Variants in CYP46A1 observed in about 807,000 individuals in gnomAD.
CYP46A1 encodes cytochrome P450 family 46 subfamily A member 1, also known as cholesterol 24-hydroxylase.
A neutral mutation model predicts 63.3 loss-of-function variants in CYP46A1; 20 were observed. That is an observed-to-expected ratio of 0.32 (90% CI 0.22 to 0.46). The LOEUF (loss-of-function observed/expected upper bound fraction) is 0.46, where lower values mean the gene tolerates loss of function less well. CYP46A1 is among the 20% of genes least tolerant of loss of function. The pLI, the probability that CYP46A1 is intolerant of heterozygous loss-of-function variation, is 1.00. For missense variants in CYP46A1, 445 were observed against 670.8 expected (o/e 0.66, Z 3.72); for synonymous variants, 268 against 273.6 (o/e 0.98, Z 0.20).
intron 9 of CYP46A1, among the ~76,000 whole-genome samples, chr14:99,716,489 G>A (rs1295396342): frequency 6.6e-6 from 1 of 152,208 alleles, no homozygotes; most frequent in African/African-American, 2.4e-5. Context: ...TTGTGGGGAG[G>A]CCTGCATTAG....
chr14:99,691,229 C>T, intron 2 of CYP46A1, 68 bp downstream of exon 2: 1 of 1,483,596 alleles, frequency 6.7e-7, no homozygotes, highest in Non-Finnish European at 9.4e-7. Flanking sequence ...CCAACCCAAT[C>T]CAGCACACAG....
chr14:99,719,167 A>G (rs1595204813), intron 10 of CYP46A1, among the ~76,000 whole-genome samples: 1 of 152,258 alleles, frequency 6.6e-6, no homozygotes, highest in East Asian at 1.9e-4. Context: ...TTAAGCCCAC[A>G]GTTTAGTGGC....
At chr14:99,703,033 G>A (rs2056645447) in intron 5 of CYP46A1, among the ~76,000 whole-genome samples, 1 of 152,134 alleles carries the variant, frequency 6.6e-6, no homozygotes, top group South Asian at 2.1e-4. Context: ...AAGATGACAG[G>A]ACAGTTTTGT....
chr14:99,701,835 C>T (rs959908958), intron 5 of CYP46A1, among the ~76,000 whole-genome samples: 2 of 152,110 alleles, frequency 1.3e-5, no homozygotes, highest in Non-Finnish European at 2.9e-5. Context: ...TTTGGGGGGC[C>T]AAGGCAGGCG....
Position 99,707,636 on chromosome 14 carries a change from T to C in CYP46A1, c.651T>C (p.Leu217=). 6.2e-7 allele frequency: 1 copy of C among 1,614,048 alleles called. No individual in the cohort carries two copies. Among genetic ancestry groups the C allele is most frequent in the Non-Finnish European group, 8.5e-7 (1 of 1,179,978 alleles). Residue 217 remains leucine (L), a synonymous_variant, in exon 7 of 15, where the codon CTT becomes CTC. Transcript: ENST00000261835. ...AGCCTCTGTCCCAGGCAGTGAAACTTATGTTGGAGGGAATCACTGCGTCCC... is the reference window on the plus strand; with the variant it reads ...AGCCTCTGTCCCAGGCAGTGAAACTCATGTTGGAGGGAATCACTGCGTCCC... ...AQKPLSQAVK[L]MLEGITASRN... is the part of the protein sequence containing the mutation.
rs370329763 is a variant in CYP46A1 at position 99,699,542 on chromosome 14, A to G, written c.356+3A>G. On this transcript the variant is annotated splice_donor_region_variant and intron_variant, in intron 4 of 14. Coordinates refer to ENST00000261835, the MANE Select transcript of CYP46A1 (RefSeq NM_006668.2). ...CTCCAGACTGTGTTTGGTGAGAGGT[A>G]AGGAGGTATGGTGGAAGGCCTGGGT... The G allele has an allele frequency of 6.2e-7, 1 of 1,614,108 alleles. No homozygotes were observed.
chr14:99,699,441 A>G (rs1171008023), intron 3 of CYP46A1, 25 bp from the exon 4 acceptor site: 19 of 1,610,378 alleles, frequency 1.2e-5, no homozygotes, highest in Non-Finnish European at 1.6e-5. Context: ...GCATGAGCCT[A>G]TGTTGGTTTT....
chr14:99,699,964 C>CGGGGGGGGGGGGGGGGGGGGG, intron 4 of CYP46A1, 51 bp from the exon 5 acceptor site: 11 of 773,850 alleles, frequency 1.4e-5, no homozygotes, highest in African/African-American at 1.8e-5. Flanking sequence ...ATCAAGCAGT[C>CGGGGGGGGGGGGGGGGGGGGG]GCTCCCCACC....
At chr14:99,692,554 G>A (rs747603545) in intron 3 of CYP46A1, among the ~76,000 whole-genome samples, 3 of 147,658 alleles carry the variant, frequency 2.0e-5, no homozygotes, top group Non-Finnish European at 4.5e-5. Context: ...AAAGGGCCAG[G>A]CACAGTGGCT....
intron 7 of CYP46A1, 159 bp downstream of exon 7, chr14:99,707,837 T>A: frequency 1.6e-6 from 1 of 612,784 alleles, no homozygotes; most frequent in Non-Finnish European, 2.9e-6. Flanking sequence ...ATGCATTGCC[T>A]AAAGTAAAGG....
chr14:99,695,425 C>T (rs1298799996), intron 3 of CYP46A1: 2 of 430,910 alleles, frequency 4.6e-6, no homozygotes, highest in South Asian at 3.4e-5. Flanking sequence ...TCTATTTCTA[C>T]TTTCAGTTCC....
rs187705251 is a variant in CYP46A1 at position 99,721,012 on chromosome 14, G to C, written c.981-227G>C. Among the ~76,000 whole-genome samples, 715 of 152,246 alleles carry C rather than the reference G, an allele frequency of 4.7e-3. 6 individuals are homozygous for C. The highest frequency in any genetic ancestry group is 0.016 in the African/African-American group (650 of 41,550). On this transcript the variant is annotated intron_variant, in intron 10 of 14. Coordinates refer to ENST00000261835, the MANE Select transcript of CYP46A1 (RefSeq NM_006668.2). ...AGGCGGGAGAATTGCTTGAATCCTG[G>C]GGGGAGGGCGGAGGTTGCAGTGAGC...
chr14:99,695,383 G>T, intron 3 of CYP46A1: 1 of 392,122 alleles, frequency 2.6e-6, no homozygotes. Flanking sequence ...TGCAGGGCAA[G>T]GAATGTTGAA....
Position 99,716,200 on chromosome 14 carries a change from G to T in CYP46A1, c.907+1G>T. 6.2e-7 allele frequency: 1 copy of T among 1,614,234 alleles called. No individual in the cohort carries two copies. Among genetic ancestry groups the T allele is most frequent in the Non-Finnish European group, 8.5e-7 (1 of 1,180,028 alleles). On this transcript the variant is annotated splice_donor_variant, in intron 9 of 14. Coordinates refer to ENST00000261835, the MANE Select transcript of CYP46A1 (RefSeq NM_006668.2). LOFTEE classifies it high-confidence loss of function. ...AACTTCGTCACCTTCTTCATTGCTG[G>T]TTTGTAGCTTTGGCGGTGGCCAAGG...
In CYP46A1 at chr14:99,684,596, C is replaced by A. The variant is rs535837466; in HGVS notation, c.119+60C>A. ...GCTGGGACTGGGGGCCTGGGGACAG[C>A]GTCTAAGCCGGCGTCCAGGCCGGGG... On this transcript the variant is annotated intron_variant, in intron 1 of 14. Transcript: ENST00000261835. The A allele has an allele frequency of 2.7e-3, 3,661 of 1,362,010 alleles. 16 individuals are homozygous for A. Among genetic ancestry groups the A allele is most frequent in the Non-Finnish European group, 2.3e-3 (2,390 of 1,024,856 alleles). 84.4% of individuals were successfully genotyped at this position (1,362,010 alleles called of 1,614,324 possible). A position where few individuals can be genotyped will look rare whatever the true frequency, so the allele number is the denominator to read the frequency against.
chr14:99,694,984 A>ATT (rs1265420486), intron 3 of CYP46A1, among the ~76,000 whole-genome samples: 1 of 151,988 alleles, frequency 6.6e-6, no homozygotes, highest in East Asian at 1.9e-4. Context: ...AAATTTTGAT[A>ATT]TGTTTTATTT....
At chr14:99,685,310 T>TCC (rs2056483878) in intron 1 of CYP46A1, among the ~76,000 whole-genome samples, 2 of 12,606 alleles carry the variant, frequency 1.6e-4, no homozygotes, top group Admixed American at 6.5e-4. Flanking sequence ...AGCCTCCCCC[T>TCC]CCCCCCGCCC....
chr14:99,697,959 G>C (rs1461127340), intron 3 of CYP46A1, among the ~76,000 whole-genome samples: 1 of 151,982 alleles, frequency 6.6e-6, no homozygotes, highest in African/African-American at 2.4e-5. Context: ...CCTGTAGGGT[G>C]GGCATTTACT....
chr14:99,684,428 GGCT>G lies in CYP46A1; in HGVS notation c.21_23del (p.Leu8del), dbSNP rs1215511910. ...CCCTGCCCCGGAGCCATGAGCCCCGGGCTGCTGCTGCTCGGCAGCGCCGTCCTG... is the reference window on the plus strand; with the variant it reads ...CCCTGCCCCGGAGCCATGAGCCCCGGGCTGCTGCTCGGCAGCGCCGTCCTG... On this transcript the variant is annotated inframe_deletion, in exon 1 of 15. Coordinates refer to ENST00000261835, the MANE Select transcript of CYP46A1 (RefSeq NM_006668.2). 3 of 1,464,114 alleles carry G rather than the reference GGCT, an allele frequency of 2.0e-6. No homozygotes were observed. The highest frequency in any genetic ancestry group is 1.8e-6 in the Non-Finnish European group (2 of 1,113,376). 90.7% of individuals were successfully genotyped at this position (1,464,114 alleles called of 1,614,324 possible). A position where few individuals can be genotyped will look rare whatever the true frequency, so the allele number is the denominator to read the frequency against.
Sources: allele counts gnomAD v4.1 joint callset (sites outside exome capture counted in the v4.1 genomes callset), GRCh38; gene constraint gnomAD v4.1.1; transcripts MANE v1.5; gene names NCBI Gene and HGNC (gene_info 2026-07-23, HGNC 2026-07-21).